The following RGS14 variants were observed in gnomAD, a reference collection of about 807,000 sequenced individuals.
RGS14 encodes the protein regulator of G protein signaling 14, also known as regulator of G-protein signaling 14.
A neutral mutation model predicts 63.8 loss-of-function variants in RGS14; 33 were observed. That is an observed-to-expected ratio of 0.52 (90% CI 0.39 to 0.69). The LOEUF (loss-of-function observed/expected upper bound fraction) is 0.69, where lower values mean the gene tolerates loss of function less well. RGS14 is among the 30% of genes least tolerant of loss of function. RGS14 has a pLI of 0.00. For missense variants in RGS14, 739 were observed against 742.9 expected, an observed-to-expected ratio of 0.99 and a Z score of 0.06; for synonymous variants, 296 against 320.9, an observed-to-expected ratio of 0.92 and a Z score of 0.83.
intron 7 of RGS14, 75 bp from the exon 8 acceptor site, chr5:177,368,082 C>CA: frequency 6.4e-7 from 1 of 1,560,448 alleles, no homozygotes; most frequent in Non-Finnish European, 8.7e-7. Flanking sequence ...CAAGGCCCAC[C>CA]AGTGGGGAAC....
At chr5:177,360,546 G>T (rs1353186457) in intron 1 of RGS14, among the ~76,000 whole-genome samples, 1 of 128,544 alleles carries the variant, frequency 7.8e-6, no homozygotes, top group African/African-American at 2.9e-5. Context: ...CAGTCTGGGT[G>T]AAAGAGCAAG....
chr5:177,366,466 C>T, intron 3 of RGS14, 111 bp downstream of exon 3: 2 of 961,994 alleles, frequency 2.1e-6, no homozygotes, highest in Non-Finnish European at 3.1e-6. Context: ...ATCTAGCCTT[C>T]CTGCAGCACC....
chr5:177,370,641 G>A lies in RGS14; in HGVS notation c.1104G>A (p.Arg368=), dbSNP rs1205657842. The part of the protein sequence containing the change: ...DCTVLADQEV[R]LENRITFELE... ...CCGTGCTGGCGGATCAGGAAGTGCG[G>A]CTGGAAAACAGGATCACCTTCGAGT... The change falls in exon 10 of 15, where the codon CGG becomes CGA. Residue 368 remains arginine, a synonymous_variant. Transcript: ENST00000408923. 21 of 1,614,092 alleles carry A rather than the reference G, an allele frequency of 1.3e-5. No homozygotes were observed. The highest frequency in any genetic ancestry group is 1.8e-5 in the Non-Finnish European group (21 of 1,179,976).
chr5:177,359,392 C>T lies in RGS14; in HGVS notation c.45+1323C>T, dbSNP rs1761906511. Among the ~76,000 whole-genome samples the T allele has an allele frequency of 6.6e-6, 1 of 152,212 alleles. No individual in the cohort carries two copies. Among genetic ancestry groups the T allele is most frequent in the South Asian group, 2.1e-4 (1 of 4,828 alleles). On this transcript the variant is annotated intron_variant, in intron 1 of 14. Transcript: ENST00000408923. This position sits in a 1 kb window ranked among gnomAD's most constrained non-coding sequence, Gnocchi z 4.4. Reference sequence around the variant, plus strand: ...GGCATGACACTTCGCTCGTCCTTGCCTAGGCGACCGGGCCAGGAAGCCAAG... The same window carrying T: ...GGCATGACACTTCGCTCGTCCTTGCTTAGGCGACCGGGCCAGGAAGCCAAG...
Position 177,372,097 on chromosome 5 carries a change from C to G in RGS14, c.*22C>G. 4 of 1,604,952 alleles carry G rather than the reference C, an allele frequency of 2.5e-6. No homozygotes were observed. Among genetic ancestry groups the G allele is most frequent in the Non-Finnish European group, 3.4e-6 (4 of 1,173,072 alleles). ...CTGACAGCTACCCAACAGTCCAGGA[C>G]AGCTGCATGGCACCCGGCGGGCCGA... On this transcript the variant is annotated 3_prime_UTR_variant, in exon 15 of 15. Coordinates refer to ENST00000408923, the MANE Select transcript of RGS14 (RefSeq NM_006480.5).
Position 177,366,733 on chromosome 5 carries a change from C to CTTTCTGGAAGAA in RGS14, c.272_273insTTTCTGGAAGAA (p.Ala91_Glu92insPheTrpLysLys), listed in dbSNP as rs1405739879. On this transcript the variant is annotated inframe_insertion, in exon 4 of 15. Transcript: ENST00000408923. Reference sequence around the variant, plus strand: ...GAGTTCCTGAAGAAGGAGTTCAGCGCGGAAAACGTGACTTTCTGGAAGGCC... The same window carrying CTTTCTGGAAGAA: ...GAGTTCCTGAAGAAGGAGTTCAGCGCTTTCTGGAAGAAGGAAAACGTGACTTTCTGGAAGGCC... 1 of 1,614,154 alleles carries CTTTCTGGAAGAA rather than the reference C, an allele frequency of 6.2e-7. No homozygotes were observed. Among genetic ancestry groups the CTTTCTGGAAGAA allele is most frequent in the South Asian group, 1.1e-5 (1 of 91,088 alleles).
rs1419590861 is a variant in RGS14 at position 177,367,406 on chromosome 5, C to T, written c.484-8C>T. The T allele has an allele frequency of 6.3e-7, 1 of 1,595,270 alleles. No individual in the cohort carries two copies. The highest frequency in any genetic ancestry group is 8.5e-7 in the Non-Finnish European group (1 of 1,169,688). ...CCCCGGCTCACCTGTTCCGGGGTCG[C>T]CCCGCAGATCTTCAACTTGATGAAG... On this transcript the variant is annotated splice_polypyrimidine_tract_variant and splice_region_variant and intron_variant, in intron 5 of 14. Coordinates refer to ENST00000408923, the MANE Select transcript of RGS14 (RefSeq NM_006480.5).
Position 177,371,069 on chromosome 5 carries a change from C to CGGGGCGGGGCGGGGCGGGGCCGGGGCCG in RGS14, c.1254+41_1254+42insGCGGGGCGGGGCGGGGCCGGGGCCGGGG, listed in dbSNP as rs566940283. The stretch of plus-strand genomic sequence containing the variant: ...GCCGCGGGGCGGGGCGGGGCGGGGC[C>CGGGGCGGGGCGGGGCGGGGCCGGGGCCG]GGGCCGGGGCCGGGGCCGGGGCCGG... On this transcript the variant is annotated intron_variant, in intron 11 of 14. Transcript: ENST00000408923. The surrounding 1 kb of genome is among the most constrained non-coding windows in gnomAD (Gnocchi z 6.1). The CGGGGCGGGGCGGGGCGGGGCCGGGGCCG allele has an allele frequency of 8.3e-5, 46 of 552,532 alleles. 4 individuals carry two copies. In the African/African-American group the frequency reaches 1.5e-3, roughly 18 times the overall value. 34.2% of individuals were successfully genotyped at this position (552,532 alleles called of 1,614,324 possible).
intron 1 of RGS14, among the ~76,000 whole-genome samples, chr5:177,365,182 A>T (rs778494481): frequency 1.6e-4 from 24 of 152,004 alleles, no homozygotes; most frequent in Non-Finnish European, 8.8e-5. Flanking sequence ...GATGCTGTGG[A>T]TATATTTTTA....
chr5:177,369,011 C>T (rs1762175431), intron 9 of RGS14, 91 bp downstream of exon 9: 2 of 1,339,092 alleles, frequency 1.5e-6, no homozygotes, highest in Non-Finnish European at 2.1e-6. Flanking sequence ...GCTCCAACCC[C>T]AATTCAAGTT....
rs552194161 is a variant in RGS14 at position 177,359,492 on chromosome 5, A to G, written c.45+1423A>G. On this transcript the variant is annotated intron_variant, in intron 1 of 14. Coordinates refer to ENST00000408923, the MANE Select transcript of RGS14 (RefSeq NM_006480.5). The surrounding 1 kb of genome is among the most constrained non-coding windows in gnomAD (Gnocchi z 4.4). ...GGGACAGTGCCTAGAACTACAGGGC[A>G]GCAGAGGGGGCCCAGAGACAGACCC... is the stretch of plus-strand genomic sequence containing the variant. 1.3e-5 allele frequency among the ~76,000 whole-genome samples: 2 copies of G among 152,302 alleles called. No individual in the cohort carries two copies. Among genetic ancestry groups the G allele is most frequent in the Admixed American group, 6.5e-5 (1 of 15,294 alleles).
In RGS14 at chr5:177,368,847, T is replaced by G. The variant is rs922082819; in HGVS notation, c.980T>G (p.Met327Arg). The G allele has an allele frequency of 1.2e-6, 2 of 1,614,106 alleles. No homozygotes were observed. The highest frequency in any genetic ancestry group is 3.3e-5 in the Admixed American group (2 of 60,004). The change falls in exon 9 of 15, where the codon ATG becomes AGG. Residue 327 changes from methionine to arginine, a missense_variant. Transcript: ENST00000408923. ...LARPGLTIRD[M>R]LAGICEKRGL... ...AGACCTGGCCTCACCATCCGAGACATGCTGGCAGGGATCTGTGAGAAACGA... is the reference window on the plus strand; with the variant it reads ...AGACCTGGCCTCACCATCCGAGACAGGCTGGCAGGGATCTGTGAGAAACGA...
Position 177,367,793 on chromosome 5 carries a change from G to A in RGS14, c.707G>A (p.Gly236Glu), listed in dbSNP as rs759019939. 11 of 1,606,880 alleles carry A rather than the reference G, an allele frequency of 6.8e-6. No homozygotes were observed. Among genetic ancestry groups the A allele is most frequent in the Admixed American group, 3.4e-5 (2 of 58,564 alleles). Residue 236 changes from glycine to glutamate, a missense_variant, in exon 7 of 15, where the codon GGG becomes GAG. Coordinates refer to ENST00000408923, the MANE Select transcript of RGS14 (RefSeq NM_006480.5). ...CAGCTGCCACCCGTTGAGGGTCCTG[G>A]GGGCCGCCCTCTCCGCAAGTCCTTC... Reference protein sequence around the residue: ...LGQLPPVEGPGGRPLRKSFRR... With the variant: ...LGQLPPVEGPEGRPLRKSFRR...
intron 7 of RGS14, 155 bp from the exon 8 acceptor site, chr5:177,368,002 G>T (rs1561616565): frequency 1.4e-6 from 2 of 1,444,966 alleles, no homozygotes; most frequent in Non-Finnish European, 1.8e-6. Context: ...GACCTCAGAC[G>T]TTTGGAAATC....
rs779784776 is a variant in RGS14 at position 177,372,188 on chromosome 5, T to C, written c.*113T>C. On this transcript the variant is annotated 3_prime_UTR_variant, in exon 15 of 15. Transcript: ENST00000408923. ...GAGTGTCCCTGGCCCCTTCCTGCCA[T>C]GGGCAGGCCCGCAGGAAGAGCCGGT... 5 of 1,075,908 alleles carry C rather than the reference T, an allele frequency of 4.6e-6. No homozygotes were observed. Among genetic ancestry groups the C allele is most frequent in the Non-Finnish European group, 6.8e-6 (5 of 739,118 alleles). 66.6% of individuals were successfully genotyped at this position (1,075,908 alleles called of 1,614,324 possible). A position where few individuals can be genotyped will look rare whatever the true frequency, so the allele number is the denominator to read the frequency against.
In RGS14 at chr5:177,362,751, C is replaced by A. The variant is rs183418568; in HGVS notation, c.46-3212C>A. ...AGGGTTTTAGCCGTAACCTGGCAAC[C>A]GCAACGTGCCTCCGGGGGCAGGGAA... is the stretch of plus-strand genomic sequence containing the variant. On this transcript the variant is annotated intron_variant, in intron 1 of 14. Coordinates refer to ENST00000408923, the MANE Select transcript of RGS14 (RefSeq NM_006480.5). 8.5e-3 allele frequency among the ~76,000 whole-genome samples: 1,287 copies of A among 151,856 alleles called. 20 individuals are homozygous for A. The highest frequency in any genetic ancestry group is 8.7e-3 in the Non-Finnish European group (594 of 67,948).
At chr5:177,367,888 T>C in intron 7 of RGS14, 63 bp downstream of exon 7, 3 of 1,479,572 alleles carry the variant, frequency 2.0e-6, no homozygotes, top group Non-Finnish European at 2.7e-6. Context: ...ATTTGGGGAG[T>C]GCCCCCTTCC....
rs562022471 is a variant in RGS14, at chr5:177,360,867, C to A, written c.45+2798C>A. ...GGCAGAGGTTGCAGTGAGCCGAGTT[C>A]GTGCTACTGCACTCCAGCCTGGCGA... On this transcript the variant is annotated intron_variant, in intron 1 of 14. Coordinates refer to ENST00000408923, the MANE Select transcript of RGS14 (RefSeq NM_006480.5). 3.9e-5 allele frequency among the ~76,000 whole-genome samples: 6 copies of A among 152,310 alleles called. No individual in the cohort carries two copies. In the East Asian group the frequency reaches 1.2e-3, roughly 29 times the overall value.
At chr5:177,361,916 A>C (rs968432531) in intron 1 of RGS14, among the ~76,000 whole-genome samples, 1 of 152,116 alleles carries the variant, frequency 6.6e-6, no homozygotes, top group Admixed American at 6.5e-5. Context: ...AGGCTGAAGC[A>C]GGGGAGGCCA....
Sources: gnomAD v4.1 joint callset for allele counts (sites outside exome capture counted in the v4.1 genomes callset) on GRCh38, gnomAD v4.1.1 for gene constraint, Gnocchi (gnomAD v3.1) non-coding constraint, MANE v1.5 for transcripts, NCBI Gene and HGNC (gene_info 2026-07-23, HGNC 2026-07-21) for gene names.